Variants in EPHA6 observed in about 807,000 individuals in gnomAD.
EPHA6 encodes ephrin type-A receptor 6.
Under a neutral mutation model 112.0 loss-of-function variants are expected in EPHA6, and 50 were observed. That is an observed-to-expected ratio of 0.45 (90% CI 0.36 to 0.56). The LOEUF is 0.56. EPHA6 is among the 20% of genes least tolerant of loss of function. The probability of loss-of-function intolerance (pLI) is 0.00; values close to 1 mark genes in which losing one functional copy is unlikely to be tolerated. For missense variants in EPHA6, 1,280 were observed against 1,417.4 expected (o/e 0.90, Z 1.56); for synonymous variants, 529 against 490.7 (o/e 1.08, Z -1.03).
At chr3:96,942,987 T>C (rs1314074658) in intron 2 of EPHA6, among the ~76,000 whole-genome samples, 2 of 152,130 alleles carry the variant, frequency 1.3e-5, no homozygotes, top group African/African-American at 4.8e-5. Flanking sequence ...TTGTATCCAT[T>C]GACCAGTCTC....
chr3:97,627,690 A>G (rs944612254), intron 13 of EPHA6, among the ~76,000 whole-genome samples: 1 of 151,896 alleles, frequency 6.6e-6, no homozygotes, highest in Non-Finnish European at 1.5e-5. Context: ...CCCTATCACT[A>G]TGGCTAGAGA....
At chr3:97,182,500 C>G (rs368200975) in intron 3 of EPHA6, among the ~76,000 whole-genome samples, 1 of 151,898 alleles carries the variant, frequency 6.6e-6, no homozygotes, top group Non-Finnish European at 1.5e-5. Flanking sequence ...ATTGACTCTT[C>G]AGAAACTATA....
chr3:96,942,974 A>G (rs182485158), intron 2 of EPHA6, among the ~76,000 whole-genome samples: 3 of 151,842 alleles, frequency 2.0e-5, no homozygotes, highest in Non-Finnish European at 4.4e-5. Flanking sequence ...TCTAACTCTA[A>G]CTTTGTATCC....
chr3:97,693,558 A>G (rs2032812448), intron 14 of EPHA6, among the ~76,000 whole-genome samples: 2 of 152,194 alleles, frequency 1.3e-5, no homozygotes, highest in Admixed American at 1.3e-4. Context: ...ATGTAATCCC[A>G]GCACTTTGGG....
intron 5 of EPHA6, among the ~76,000 whole-genome samples, chr3:97,318,738 G>C (rs2081963154): frequency 6.6e-6 from 1 of 151,794 alleles, no homozygotes; most frequent in South Asian, 2.1e-4. Context: ...GATAACATGA[G>C]CTGTCCATGG....
At chr3:97,163,391 C>T (rs1158978321) in intron 3 of EPHA6, among the ~76,000 whole-genome samples, 14 of 152,134 alleles carry the variant, frequency 9.2e-5, no homozygotes, top group Admixed American at 9.2e-4. Context: ...AAAATCTCTG[C>T]TTATTGAGCT....
intron 7 of EPHA6, among the ~76,000 whole-genome samples, chr3:97,464,673 A>C (rs117126337): frequency 7.9e-5 from 12 of 152,138 alleles, no homozygotes; most frequent in East Asian, 1.9e-4. Context: ...CTGGCCTGGA[A>C]ATTTTTCAAA....
intron 3 of EPHA6, among the ~76,000 whole-genome samples, chr3:97,002,757 A>G (rs1383737656): frequency 6.6e-6 from 1 of 152,050 alleles, no homozygotes; most frequent in Admixed American, 6.6e-5. Context: ...TTCAGCAAAA[A>G]CGGTGCTCAT....
intron 6 of EPHA6, among the ~76,000 whole-genome samples, chr3:97,420,595 T>G (rs958887445): frequency 2.0e-5 from 3 of 152,098 alleles, no homozygotes; most frequent in Non-Finnish European, 4.4e-5. Flanking sequence ...CTTAGATGGT[T>G]TTTAAGTCAT....
At chr3:97,293,088 A>G (rs145188398) in intron 5 of EPHA6, among the ~76,000 whole-genome samples, 3 of 151,464 alleles carry the variant, frequency 2.0e-5, no homozygotes, top group African/African-American at 7.3e-5. Flanking sequence ...CAGGCAGGGC[A>G]TGCCAGCAAG....
intron 14 of EPHA6, among the ~76,000 whole-genome samples, chr3:97,696,816 G>A (rs1291211377): frequency 1.3e-5 from 2 of 152,088 alleles, no homozygotes; most frequent in Non-Finnish European, 2.9e-5. Flanking sequence ...AGAAACTGAG[G>A]CATAAAGAAA....
At chr3:96,901,158 C>A (rs572868064) in intron 2 of EPHA6, among the ~76,000 whole-genome samples, 1 of 152,152 alleles carries the variant, frequency 6.6e-6, no homozygotes, top group East Asian at 1.9e-4. Flanking sequence ...GAGAATGAGG[C>A]ATTCAGTAAT....
intron 2 of EPHA6, among the ~76,000 whole-genome samples, chr3:96,892,952 A>G (rs544737897): frequency 0.013 from 1,786 of 140,808 alleles, 37 homozygotes; most frequent in African/African-American, 0.049. Context: ...ATATATATAT[A>G]TATGTGTGTG....
intron 2 of EPHA6, among the ~76,000 whole-genome samples, chr3:96,874,163 CTAGT>C (rs1319893356): frequency 6.6e-6 from 1 of 152,054 alleles, no homozygotes; most frequent in Non-Finnish European, 1.5e-5. Flanking sequence ...CAGACTTAAT[CTAGT>C]TACAGTGTTG....
intron 3 of EPHA6, among the ~76,000 whole-genome samples, chr3:97,219,548 T>C (rs950028586): frequency 5.3e-5 from 8 of 152,170 alleles, no homozygotes; most frequent in Non-Finnish European, 1.2e-4. Context: ...TTGGCCCCTT[T>C]TAGCCATGGC....
chr3:97,094,823 A>G (rs1441135210), intron 3 of EPHA6, among the ~76,000 whole-genome samples: 1 of 152,146 alleles, frequency 6.6e-6, no homozygotes, highest in Non-Finnish European at 1.5e-5. Flanking sequence ...AAAGAGGAAA[A>G]CTAAACTGCT....
intron 2 of EPHA6, among the ~76,000 whole-genome samples, chr3:96,935,166 C>T (rs940392495): frequency 1.9e-4 from 29 of 151,816 alleles, no homozygotes; most frequent in Admixed American, 1.5e-3. Flanking sequence ...ACAATACTCA[C>T]ATTAACAACA....
intron 14 of EPHA6, among the ~76,000 whole-genome samples, chr3:97,651,657 G>C (rs1425630250): frequency 6.6e-6 from 1 of 151,910 alleles, no homozygotes; most frequent in Non-Finnish European, 1.5e-5. Flanking sequence ...GCAACATTCA[G>C]CATTGTCTAA....
At chr3:96,911,942 A>G (rs1172249875) in intron 2 of EPHA6, among the ~76,000 whole-genome samples, 3 of 152,038 alleles carry the variant, frequency 2.0e-5, no homozygotes, top group Non-Finnish European at 4.4e-5. Flanking sequence ...ACAACTGAAT[A>G]CAGAATGTCT....
Sources: gnomAD v4.1 joint callset for allele counts (sites outside exome capture counted in the v4.1 genomes callset) on GRCh38, gnomAD v4.1.1 for gene constraint, MANE v1.5 for transcripts, NCBI Gene and HGNC (gene_info 2026-07-23, HGNC 2026-07-21) for gene names.